Variants in THSD7B observed in about 807,000 individuals in gnomAD.
THSD7B encodes thrombospondin type 1 domain containing 7B.
THSD7B carries 138 observed loss-of-function variants against 213.6 expected under a neutral mutation model. The observed-to-expected ratio is 0.65, with a 90% CI of 0.56 to 0.74. The LOEUF is 0.74. THSD7B is among the 30% of genes least tolerant of loss of function. THSD7B has a pLI of 0.00. For synonymous variants in THSD7B, 742 were observed against 687.0 expected (o/e 1.08, Z -1.25); for missense variants, 1,931 against 1,991.5 (o/e 0.97, Z 0.58).
At chr2:137,260,886 T>A (rs1053280639) in intron 10 of THSD7B, among the ~76,000 whole-genome samples, 28 of 152,196 alleles carry the variant, frequency 1.8e-4, no homozygotes, top group African/African-American at 6.8e-4. Flanking sequence ...TAAATGGCTA[T>A]ATGGTAATTC....
At chr2:137,418,408 A>T (rs1289298523) in intron 14 of THSD7B, among the ~76,000 whole-genome samples, 4 of 152,244 alleles carry the variant, frequency 2.6e-5, no homozygotes, top group Non-Finnish European at 4.4e-5. Flanking sequence ...CAAGCCCTTC[A>T]TGATTTTACC....
chr2:136,806,404 G>A (rs1455028624), intron 1 of THSD7B, among the ~76,000 whole-genome samples: 1 of 152,160 alleles, frequency 6.6e-6, no homozygotes, highest in Non-Finnish European at 1.5e-5. Context: ...AGGCTGTTCT[G>A]AGAGTAAGTA....
chr2:137,385,606 A>T (rs1204299722), intron 12 of THSD7B, among the ~76,000 whole-genome samples: 1 of 152,196 alleles, frequency 6.6e-6, no homozygotes, highest in Non-Finnish European at 1.5e-5. Flanking sequence ...CTATGTGTAT[A>T]TCTTAGGCCA....
intron 7 of THSD7B, among the ~76,000 whole-genome samples, chr2:137,222,671 A>G (rs1310815136): frequency 6.6e-6 from 1 of 152,222 alleles, no homozygotes; most frequent in African/African-American, 2.4e-5. Context: ...AACATACAGA[A>G]AAGAGTTAGT....
chr2:137,273,279 A>G (rs1682791963), intron 11 of THSD7B, among the ~76,000 whole-genome samples: 1 of 152,112 alleles, frequency 6.6e-6, no homozygotes, highest in African/African-American at 2.4e-5. Flanking sequence ...AATAACTTTT[A>G]AACTATGTAT....
chr2:137,655,220 G>C (rs1430572878), intron 21 of THSD7B, among the ~76,000 whole-genome samples: 8 of 152,124 alleles, frequency 5.3e-5, no homozygotes, highest in Admixed American at 4.6e-4. Context: ...ATTATGTATT[G>C]TTTTCTTTTT....
intron 1 of THSD7B, among the ~76,000 whole-genome samples, chr2:136,817,777 C>G (rs1204534788): frequency 6.7e-6 from 1 of 150,014 alleles, no homozygotes; most frequent in African/African-American, 2.4e-5. Flanking sequence ...ATTTATGCAG[C>G]CAAAAAACAC....
At chr2:137,213,332 T>C (rs1467478504) in intron 7 of THSD7B, among the ~76,000 whole-genome samples, 2 of 144,670 alleles carry the variant, frequency 1.4e-5, no homozygotes, top group Non-Finnish European at 3.0e-5. Context: ...AGCAGATAAT[T>C]ATATCTAATA....
intron 2 of THSD7B, among the ~76,000 whole-genome samples, chr2:137,011,195 C>T (rs1280927623): frequency 6.6e-6 from 1 of 152,144 alleles, no homozygotes; most frequent in Non-Finnish European, 1.5e-5. Flanking sequence ...TGCAATGGAT[C>T]AAACCTGTGG....
chr2:136,943,875 A>G (rs565370885), intron 2 of THSD7B, among the ~76,000 whole-genome samples: 16 of 152,062 alleles, frequency 1.1e-4, no homozygotes, highest in East Asian at 9.7e-4. Flanking sequence ...TTGTGTCTCT[A>G]TCTCCTTCAG....
chr2:137,605,710 C>T (rs1228101839), intron 17 of THSD7B, among the ~76,000 whole-genome samples: 1 of 128,004 alleles, frequency 7.8e-6, no homozygotes, highest in East Asian at 2.4e-4. Context: ...TGCTCCGTCG[C>T]CAGGCTGGAG....
chr2:136,932,634 T>G (rs1684649945), intron 2 of THSD7B, among the ~76,000 whole-genome samples: 1 of 152,194 alleles, frequency 6.6e-6, no homozygotes, highest in Non-Finnish European at 1.5e-5. Context: ...AAAATATATT[T>G]ATTATACATT....
At chr2:137,284,288 C>G (rs1178390669) in intron 12 of THSD7B, among the ~76,000 whole-genome samples, 1 of 152,046 alleles carries the variant, frequency 6.6e-6, no homozygotes. Context: ...ATTCTTCTCT[C>G]TTTTCTTCTC....
In THSD7B at chr2:137,563,194, AT is replaced by A. The variant is rs140559583; in HGVS notation, c.3139-23del. On this transcript the variant is annotated intron_variant, in intron 15 of 27. Coordinates refer to ENST00000409968, the MANE Select transcript of THSD7B (RefSeq NM_001316349.2). ...TCTATAAGTTGGATAGTTCCACATA[AT>A]TTTGTTTCTTTCCTGTTCTTGACAG... The A allele has an allele frequency of 4.3e-3, 6,943 of 1,608,164 alleles. 245 individuals are homozygous for A. In the African/African-American group the frequency reaches 0.081, roughly 19 times the overall value.
intron 17 of THSD7B, among the ~76,000 whole-genome samples, chr2:137,582,521 G>C (rs1362991716): frequency 8.0e-6 from 1 of 124,232 alleles, no homozygotes; most frequent in Non-Finnish European, 1.6e-5. Flanking sequence ...CCTGGTATGT[G>C]ATGTTCTCCT....
intron 27 of THSD7B, among the ~76,000 whole-genome samples, chr2:137,673,335 A>G (rs1443163285): frequency 2.0e-5 from 3 of 152,188 alleles, no homozygotes; most frequent in Non-Finnish European, 2.9e-5. Flanking sequence ...TGCCAACTCT[A>G]AAAGTGGCTA....
At position 137,238,534 on chromosome 2, in the gene THSD7B, CTTTTTTTTTTTTTTTTT is replaced by C. The variant is rs869146863; in HGVS notation, c.2151-3909_2151-3893del. On this transcript the variant is annotated intron_variant, in intron 9 of 27. Coordinates refer to ENST00000409968, the MANE Select transcript of THSD7B (RefSeq NM_001316349.2). Reference sequence around the variant, plus strand: ...TATCCTGATAATGACACTCATCTTTCTTTTTTTTTTTTTTTTTTTTTTTTTTTTTTGAGACGGAGTCT... The same window carrying C: ...TATCCTGATAATGACACTCATCTTTCTTTTTTTTTTTTTGAGACGGAGTCT... 1.2e-4 allele frequency among the ~76,000 whole-genome samples: 6 copies of C among 51,848 alleles called. No homozygotes were observed. In the East Asian group the frequency reaches 2.6e-3, roughly 23 times the overall value. The allele number at this position is 51,848 out of a possible 152,430, so 34.0% of individuals were successfully genotyped here.
At chr2:136,925,735 G>C (rs1684511987) in intron 2 of THSD7B, among the ~76,000 whole-genome samples, 1 of 152,038 alleles carries the variant, frequency 6.6e-6, no homozygotes. Context: ...GAGTTTAAGG[G>C]GATTGGTGTT....
intron 10 of THSD7B, among the ~76,000 whole-genome samples, chr2:137,267,047 G>A (rs1391464920): frequency 1.3e-5 from 2 of 152,072 alleles, no homozygotes; most frequent in Non-Finnish European, 2.9e-5. Context: ...CATCTTTCTG[G>A]AAAAGACTAG....
Sources: allele counts gnomAD v4.1 joint callset (sites outside exome capture counted in the v4.1 genomes callset), GRCh38; gene constraint gnomAD v4.1.1; transcripts MANE v1.5; gene names NCBI Gene and HGNC (gene_info 2026-07-23, HGNC 2026-07-21).